The following CELA2B variants were observed in gnomAD, a reference collection of about 807,000 sequenced individuals.
CELA2B encodes the protein chymotrypsin like elastase 2B.
CELA2B carries 27 observed loss-of-function variants against 36.5 expected under a neutral mutation model. The ratio of observed to expected loss-of-function variants is 0.74; its 90% CI spans 0.55 to 1.02. CELA2B has a LOEUF of 1.02. Ranked by LOEUF, CELA2B falls within the 50% of genes least tolerant of loss-of-function variation. CELA2B has a pLI of 0.00. For synonymous variants in CELA2B, 143 were observed against 148.5 expected, an observed-to-expected ratio of 0.96 and a Z score of 0.27; for missense variants, 340 against 347.8, an observed-to-expected ratio of 0.98 and a Z score of 0.18.
At chr1:15,482,115 A>C in intron 3 of CELA2B, 150 bp from the exon 4 acceptor site, 1 of 834,244 alleles carries the variant, frequency 1.2e-6, no homozygotes, top group Non-Finnish European at 1.9e-6. Context: ...TTTAGGCCCT[A>C]TGATAACTAA....
chr1:15,478,755 C>T lies in CELA2B; in HGVS notation c.129+2210C>T, dbSNP rs180843321. On this transcript the variant is annotated intron_variant, in intron 2 of 7. Coordinates refer to ENST00000375910, the MANE Select transcript of CELA2B (RefSeq NM_015849.3). Reference sequence around the variant, plus strand: ...AATTTTTTTTGTATTTTAGTAGAGACGGGGTTTCACCATGTTGGCCAGGCT... The same window carrying T: ...AATTTTTTTTGTATTTTAGTAGAGATGGGGTTTCACCATGTTGGCCAGGCT... Among the ~76,000 whole-genome samples the T allele has an allele frequency of 3.7e-3, 568 of 151,494 alleles. 1 individual carries two copies. The highest frequency in any genetic ancestry group is 6.8e-3 in the Middle Eastern group (2 of 294).
intron 3 of CELA2B, chr1:15,481,667 G>T (rs1296612856): frequency 6.4e-6 from 3 of 472,086 alleles, no homozygotes; most frequent in Admixed American, 4.7e-5. Flanking sequence ...GGCCCACAAG[G>T]TTCTGCAACG....
chr1:15,490,200 G>A (rs544756335), intron 7 of CELA2B, among the ~76,000 whole-genome samples: 4 of 151,238 alleles, frequency 2.6e-5, no homozygotes, highest in East Asian at 1.9e-4. Context: ...TTGGTGTGTG[G>A]TCTTCTCAAC....
intron 3 of CELA2B, 135 bp from the exon 4 acceptor site, chr1:15,482,130 C>T (rs761844523): frequency 1.0e-5 from 10 of 1,002,754 alleles, no homozygotes; most frequent in East Asian, 2.4e-5. Context: ...AACTAACTGA[C>T]TGTCCCAGGG....
In CELA2B at chr1:15,483,511, G is replaced by C. The variant is rs544785659; in HGVS notation, c.493+111G>C. 4.4e-4 allele frequency: 683 copies of C among 1,542,528 alleles called. 6 individuals carry two copies. The African/African-American group carries it at 8.6e-3, about 19-fold the overall frequency. ...TTATCCTGGGCATGTGGCTGCCTTGGAGAGACAGGATGGCATAGGCTGATG... is the reference window on the plus strand; with the variant it reads ...TTATCCTGGGCATGTGGCTGCCTTGCAGAGACAGGATGGCATAGGCTGATG... On this transcript the variant is annotated intron_variant, in intron 5 of 7. Coordinates refer to ENST00000375910, the MANE Select transcript of CELA2B (RefSeq NM_015849.3).
Position 15,476,134 on chromosome 1 carries a change from GAC to G in CELA2B, c.10_11del (p.Thr4ProfsTer21). On this transcript the variant is annotated frameshift_variant, in exon 1 of 8. Coordinates refer to ENST00000375910, the MANE Select transcript of CELA2B (RefSeq NM_015849.3). LOFTEE classifies it high-confidence loss of function. ...ACTCCCACGGACACACCATGATTAG[GAC>G]CCTGCTGCTGTCCACTTTGGTGGCT... MIR[T>X]LLLSTLVAGA... 1 of 1,614,066 alleles carries G rather than the reference GAC, an allele frequency of 6.2e-7. No individual in the cohort carries two copies. The highest frequency in any genetic ancestry group is 1.3e-5 in the African/African-American group (1 of 75,006).
intron 2 of CELA2B, among the ~76,000 whole-genome samples, 186 bp from the exon 3 acceptor site, chr1:15,480,912 T>TTA (rs1708731590): frequency 1.3e-5 from 2 of 151,734 alleles, no homozygotes; most frequent in Admixed American, 6.6e-5. Context: ...TTTTTTTTTT[T>TTA]ACTATAGATT....
At chr1:15,488,702 C>T (rs1708835357) in intron 7 of CELA2B, among the ~76,000 whole-genome samples, 1 of 152,250 alleles carries the variant, frequency 6.6e-6, no homozygotes, top group Admixed American at 6.5e-5. Flanking sequence ...TGACATCTGA[C>T]TTCACTAAGT....
rs761359259 is a variant in CELA2B, at chr1:15,482,271, C to T, written c.234C>T (p.Ser78=). Residue 78 remains serine, a synonymous_variant, in exon 4 of 8, where the codon TCC becomes TCT. Coordinates refer to ENST00000375910, the MANE Select transcript of CELA2B (RefSeq NM_015849.3). Reference sequence around the variant, plus strand: ...TGGGACCCCTTTCTCCCAGCTCCTCCGGGATCTACCGCGTGATGCTGGGCC... The same window carrying T: ...TGGGACCCCTTTCTCCCAGCTCCTCTGGGATCTACCGCGTGATGCTGGGCC... ...VLTAAHCISS[S]GIYRVMLGQH... The T allele has an allele frequency of 1.3e-5, 21 of 1,613,736 alleles. No homozygotes were observed. Among genetic ancestry groups the T allele is most frequent in the Non-Finnish European group, 1.7e-5 (20 of 1,179,900 alleles).
chr1:15,483,196 C>A, intron 4 of CELA2B, 68 bp from the exon 5 acceptor site: 2 of 1,599,486 alleles, frequency 1.3e-6, no homozygotes, highest in South Asian at 1.1e-5. Flanking sequence ...GGTCTCCAAG[C>A]CCTCCAAAGC....
intron 1 of CELA2B, 88 bp downstream of exon 1, chr1:15,476,253 C>A: frequency 6.4e-7 from 1 of 1,569,546 alleles, no homozygotes; most frequent in Non-Finnish European, 8.7e-7. Context: ...TCGCCCCCAC[C>A]CAACCCCTAC....
intron 7 of CELA2B, among the ~76,000 whole-genome samples, chr1:15,490,254 ATC>A (rs1570814542): frequency 2.1e-5 from 3 of 141,902 alleles, no homozygotes; most frequent in African/African-American, 5.1e-5. Context: ...CTATCTATCT[ATC>A]TATATACACA....
intron 7 of CELA2B, among the ~76,000 whole-genome samples, chr1:15,488,926 T>C (rs1372072694): frequency 6.6e-6 from 1 of 152,106 alleles, no homozygotes; most frequent in Non-Finnish European, 1.5e-5. Context: ...AGGCAGAAAT[T>C]CCAAAAAAGT....
Position 15,485,889 on chromosome 1 carries a change from G to A in CELA2B, c.494-12G>A. 1.2e-6 allele frequency: 2 copies of A among 1,614,084 alleles called. No homozygotes were observed. The highest frequency in any genetic ancestry group is 1.7e-6 in the Non-Finnish European group (2 of 1,179,978). ...CCTGCGTCCCTAATGGCTTCTCTCT[G>A]GTCTCATTCAGCCAACGGGGCTCTC... On this transcript the variant is annotated splice_polypyrimidine_tract_variant and intron_variant, in intron 5 of 7. Coordinates refer to ENST00000375910, the MANE Select transcript of CELA2B (RefSeq NM_015849.3).
rs1231171538 is a variant in CELA2B at position 15,478,232 on chromosome 1, T to A, written c.129+1687T>A. On this transcript the variant is annotated intron_variant, in intron 2 of 7. Transcript: ENST00000375910. ...TATATATATATTGGGATATATAGTT[T>A]GTTTGTTTGTTTGTTTTTGTTTTTT... Among the ~76,000 whole-genome samples, 48 of 148,288 alleles carry A rather than the reference T, an allele frequency of 3.2e-4. 1 individual carries two copies. In the East Asian group the frequency reaches 8.5e-3, roughly 26 times the overall value.
chr1:15,479,038 A>C (rs1472988422), intron 2 of CELA2B, among the ~76,000 whole-genome samples: 9 of 152,158 alleles, frequency 5.9e-5, no homozygotes, highest in African/African-American at 2.2e-4. Context: ...TTGTTCTTTT[A>C]GCTACACTTT....
chr1:15,485,657 C>T (rs1025764502), intron 5 of CELA2B, among the ~76,000 whole-genome samples: 6 of 152,204 alleles, frequency 3.9e-5, no homozygotes, highest in Non-Finnish European at 7.3e-5. Context: ...TCTTAGTCCC[C>T]ATCTCAAAAT....
At chr1:15,483,826 G>A (rs766807154) in intron 5 of CELA2B, among the ~76,000 whole-genome samples, 26 of 151,970 alleles carry the variant, frequency 1.7e-4, no homozygotes, top group Non-Finnish European at 3.2e-4. Flanking sequence ...CTACTTGGGA[G>A]CCTGAGGCAC....
In CELA2B at chr1:15,491,321, A is replaced by C. The variant is rs1708890578; in HGVS notation, c.*9A>C. The C allele has an allele frequency of 1.2e-6, 2 of 1,614,036 alleles. No individual in the cohort carries two copies. The highest frequency in any genetic ancestry group is 2.7e-5 in the African/African-American group (2 of 74,904). On this transcript the variant is annotated 3_prime_UTR_variant, in exon 8 of 8. Coordinates refer to ENST00000375910, the MANE Select transcript of CELA2B (RefSeq NM_015849.3). Reference sequence around the variant, plus strand: ...TGATTGCAAATAACTAACCAAAAGAAGTCCCTGGGACTGTTTCAGACTTGG... The same window carrying C: ...TGATTGCAAATAACTAACCAAAAGACGTCCCTGGGACTGTTTCAGACTTGG...
Sources: allele counts gnomAD v4.1 joint callset (sites outside exome capture counted in the v4.1 genomes callset), GRCh38; gene constraint gnomAD v4.1.1; transcripts MANE v1.5; gene names NCBI Gene and HGNC (gene_info 2026-07-23, HGNC 2026-07-21).